The following ASAP1 variants were observed in gnomAD, a reference collection of about 807,000 sequenced individuals.
The protein encoded by ASAP1 is ArfGAP with SH3 domain, ankyrin repeat and PH domain 1.
Under a neutral mutation model 145.2 loss-of-function variants are expected in ASAP1, and 43 were observed. That is an observed-to-expected ratio of 0.30 (90% CI 0.23 to 0.38). The LOEUF is 0.38. ASAP1 is among the 10% of genes least tolerant of loss of function. The pLI is 1.00. For synonymous variants in ASAP1, 546 were observed against 515.5 expected, an observed-to-expected ratio of 1.06 and a Z score of -0.80; for missense variants, 1,018 against 1,355.3, an observed-to-expected ratio of 0.75 and a Z score of 3.91.
At chr8:130,098,717 T>C (rs1327706669) in intron 24 of ASAP1, among the ~76,000 whole-genome samples, 1 of 152,230 alleles carries the variant, frequency 6.6e-6, no homozygotes, top group East Asian at 1.9e-4. Flanking sequence ...TACATGTGTA[T>C]AATGTGTAAT....
chr8:130,248,678 C>T (rs1024401931), intron 3 of ASAP1, among the ~76,000 whole-genome samples: 17 of 152,124 alleles, frequency 1.1e-4, no homozygotes, highest in African/African-American at 3.9e-4. Flanking sequence ...AGGGAGGAGA[C>T]AAGCTGGGTA....
intron 3 of ASAP1, among the ~76,000 whole-genome samples, chr8:130,357,590 G>A (rs968093441): frequency 2.7e-4 from 41 of 152,356 alleles, no homozygotes; most frequent in African/African-American, 8.7e-4. Context: ...GGCCGCTGAG[G>A]GGTGCGTTCA....
chr8:130,126,905 C>T (rs1335658544), intron 16 of ASAP1, among the ~76,000 whole-genome samples: 3 of 152,180 alleles, frequency 2.0e-5, no homozygotes, highest in East Asian at 1.9e-4. Flanking sequence ...CTCCTACTAG[C>T]TGTGTGACCT....
chr8:130,132,794 C>A (rs1478141766), intron 15 of ASAP1, among the ~76,000 whole-genome samples: 1 of 151,994 alleles, frequency 6.6e-6, no homozygotes, highest in Non-Finnish European at 1.5e-5. Context: ...CCTTTCTCAT[C>A]CTTTTCCTTT....
At chr8:130,137,120 G>T in intron 13 of ASAP1, 82 bp from the exon 14 acceptor site, 2 of 1,163,746 alleles carry the variant, frequency 1.7e-6, no homozygotes, top group South Asian at 1.2e-5. Flanking sequence ...GGGCAGGTAT[G>T]CTGTTCATAA....
At position 130,054,375 on chromosome 8, in the gene ASAP1, T is replaced by C. The variant is rs2097399082; in HGVS notation, c.*356A>G. 4.6e-6 allele frequency: 1 copy of C among 217,054 alleles called. No homozygotes were observed. The highest frequency in any genetic ancestry group is 9.6e-6 in the Non-Finnish European group (1 of 103,932). 13.4% of individuals were successfully genotyped at this position (217,054 alleles called of 1,614,324 possible). A position where few individuals can be genotyped will look rare whatever the true frequency, so the allele number is the denominator to read the frequency against. Reference sequence around the variant, plus strand: ...GAATACTGCATTGTTAGGAACAGAGTCAATTCTATGCCTTTCAACGGTTGC... The same window carrying C: ...GAATACTGCATTGTTAGGAACAGAGCCAATTCTATGCCTTTCAACGGTTGC... On this transcript the variant is annotated 3_prime_UTR_variant, in exon 30 of 30. Coordinates refer to ENST00000518721, the MANE Select transcript of ASAP1 (RefSeq NM_018482.4).
At chr8:130,332,601 C>G (rs1462550129) in intron 3 of ASAP1, among the ~76,000 whole-genome samples, 2 of 152,108 alleles carry the variant, frequency 1.3e-5, no homozygotes, top group Non-Finnish European at 2.9e-5. Context: ...GAATGCAAAA[C>G]AACTTTTCGT....
chr8:130,147,644 T>A (rs2097635276), intron 13 of ASAP1, among the ~76,000 whole-genome samples: 1 of 152,242 alleles, frequency 6.6e-6, no homozygotes, highest in Non-Finnish European at 1.5e-5. Flanking sequence ...TTTCACAGAT[T>A]AGTACAAGTT....
At chr8:130,203,442 G>C (rs1031009666) in intron 5 of ASAP1, among the ~76,000 whole-genome samples, 2 of 152,152 alleles carry the variant, frequency 1.3e-5, no homozygotes, top group African/African-American at 4.8e-5. Flanking sequence ...CCTGAAAAAA[G>C]CACCAGGCTG....
At chr8:130,416,360 C>T (rs1829475359) in intron 1 of ASAP1, among the ~76,000 whole-genome samples, 1 of 152,192 alleles carries the variant, frequency 6.6e-6, no homozygotes, top group South Asian at 2.1e-4. Flanking sequence ...CAGTGCCTGG[C>T]CTAGTAAATG....
At chr8:130,164,970 T>C (rs1049740652) in intron 11 of ASAP1, among the ~76,000 whole-genome samples, 14 of 152,144 alleles carry the variant, frequency 9.2e-5, no homozygotes, top group Admixed American at 3.3e-4. Flanking sequence ...ATCACTATCT[T>C]CTAAACATAT....
chr8:130,169,102 A>AT (rs11392401), intron 9 of ASAP1, 35 bp from the exon 10 acceptor site: 172,847 of 1,248,590 alleles, frequency 0.14, 12,050 homozygotes, highest in African/African-American at 0.32. Context: ...TACCACCAGT[A>AT]TAAAAAAAAA....
intron 1 of ASAP1, among the ~76,000 whole-genome samples, chr8:130,413,856 T>C (rs1228488935): frequency 2.6e-5 from 4 of 152,140 alleles, no homozygotes; most frequent in Non-Finnish European, 5.9e-5. Flanking sequence ...ATATGAAATA[T>C]ATATTTGACT....
intron 15 of ASAP1, among the ~76,000 whole-genome samples, chr8:130,129,131 T>C (rs956511942): frequency 6.6e-6 from 1 of 152,190 alleles, no homozygotes; most frequent in East Asian, 1.9e-4. Context: ...CCTGCTGCCA[T>C]GTGAAGAAAG....
rs761887521 is a variant in ASAP1, at chr8:130,118,550, G to T, written c.1733C>A (p.Ala578Glu). Residue 578 changes from alanine to glutamate, a missense_variant, in exon 19 of 30, where the codon GCA becomes GAA. Around this residue, in one of 9 missense-constraint regions of ASAP1, gnomAD observed 353 missense variants for 375.4 expected, o/e 0.94. Transcript: ENST00000518721. ...CCCTTCTGCATAGACTTGAATTAGT[G>T]CAAGTAAATCCCTGGATTTGATGGC... ...LEAIKSRDLL[A>E]LIQVYAEGVE... 3.1e-6 allele frequency: 5 copies of T among 1,614,104 alleles called. 1 individual carries two copies. In the Middle Eastern group the frequency reaches 4.9e-4, roughly 160 times the overall value.
intron 27 of ASAP1, among the ~76,000 whole-genome samples, chr8:130,071,282 T>G (rs1464547694): frequency 6.6e-6 from 1 of 152,148 alleles, no homozygotes; most frequent in Non-Finnish European, 1.5e-5. Context: ...CTTCAAAAAA[T>G]TTTTAGCAGG....
intron 12 of ASAP1, among the ~76,000 whole-genome samples, chr8:130,158,827 G>T (rs1376341874): frequency 6.6e-6 from 1 of 151,968 alleles, no homozygotes; most frequent in Non-Finnish European, 1.5e-5. Context: ...TGCCTCCAGG[G>T]TTCGCACCAT....
intron 3 of ASAP1, among the ~76,000 whole-genome samples, chr8:130,270,190 C>G (rs149124257): frequency 2.8e-3 from 424 of 152,188 alleles, no homozygotes; most frequent in African/African-American, 9.7e-3. Flanking sequence ...AAAATCAAAC[C>G]AAATCAAATA....
intron 2 of ASAP1, chr8:130,361,900 C>T: frequency 1.4e-6 from 1 of 701,710 alleles, no homozygotes; most frequent in Non-Finnish European, 2.6e-6. Context: ...TTTGTGTGCA[C>T]CTGGCTTTAT....
Sources: gnomAD v4.1 joint callset for allele counts (sites outside exome capture counted in the v4.1 genomes callset) on GRCh38, gnomAD v4.1.1 for gene constraint, gnomAD v4.1.1 regional missense constraint, MANE v1.5 for transcripts, NCBI Gene and HGNC (gene_info 2026-07-23, HGNC 2026-07-21) for gene names.